The following RARB variants were observed in gnomAD, a reference collection of about 807,000 sequenced individuals.
RARB encodes the protein HBV-activated protein.
In RARB, 17 loss-of-function variants were observed where a neutral mutation model predicts 51.9. That is an observed-to-expected ratio of 0.33 (90% CI 0.22 to 0.49). The LOEUF is 0.49. Ranked by LOEUF, RARB falls within the 20% of genes least tolerant of loss-of-function variation. The pLI is 0.99. For synonymous variants in RARB, 215 were observed against 195.4 expected (o/e 1.10, Z -0.84); for missense variants, 369 against 550.8 (o/e 0.67, Z 3.30).
intron 1 of RARB, among the ~76,000 whole-genome samples, chr3:24,835,144 A>T (rs1194807453): frequency 6.6e-6 from 1 of 152,186 alleles, no homozygotes; most frequent in African/African-American, 2.4e-5. Context: ...AATCTACAGC[A>T]TTGCTTTTGC....
chr3:25,173,232 G>A (rs1700676472), intron 4 of RARB, among the ~76,000 whole-genome samples: 1 of 152,220 alleles, frequency 6.6e-6, no homozygotes, highest in Non-Finnish European at 1.5e-5. Flanking sequence ...TGTCCTTCAT[G>A]AAGCATGGGG....
At chr3:25,405,350 C>G (rs1707377758) in intron 5 of RARB, among the ~76,000 whole-genome samples, 1 of 152,150 alleles carries the variant, frequency 6.6e-6, no homozygotes, top group African/African-American at 2.4e-5. Flanking sequence ...GAGACCCTGT[C>G]TCTATTTAAC....
intron 2 of RARB, among the ~76,000 whole-genome samples, chr3:25,000,444 C>T (rs1477176657): frequency 4.6e-5 from 7 of 152,136 alleles, no homozygotes; most frequent in African/African-American, 1.7e-4. Context: ...GAGAGAAATC[C>T]TCTTTTTTGC....
chr3:25,374,991 A>C (rs1030941731), intron 5 of RARB, among the ~76,000 whole-genome samples: 1 of 152,122 alleles, frequency 6.6e-6, no homozygotes, highest in South Asian at 2.1e-4. Context: ...TATTTAGTGC[A>C]AGATGCACTG....
At chr3:25,020,151 A>ATTATTATTATT (rs1487230029) in intron 2 of RARB, 21 of 17,466 alleles carry the variant, frequency 1.2e-3, no homozygotes, top group Admixed American at 3.6e-3. Context: ...TATTATTATT[A>ATTATTATTATT]TTATTTTATT....
intron 1 of RARB, among the ~76,000 whole-genome samples, chr3:24,848,313 G>T (rs942487703): frequency 5.9e-5 from 9 of 152,070 alleles, no homozygotes; most frequent in Non-Finnish European, 1.3e-4. Flanking sequence ...TGCATGCCTC[G>T]GCTTCCCAAA....
At chr3:24,874,549 T>A (rs896652322) in intron 2 of RARB, among the ~76,000 whole-genome samples, 1 of 152,092 alleles carries the variant, frequency 6.6e-6, no homozygotes, top group Non-Finnish European at 1.5e-5. Flanking sequence ...AACATGTTGC[T>A]GTGATTCTCT....
intron 5 of RARB, among the ~76,000 whole-genome samples, chr3:25,296,016 C>T (rs11922629): frequency 0.05 from 7,645 of 152,226 alleles, 504 homozygotes; most frequent in African/African-American, 0.15. Flanking sequence ...AGTAAATTTT[C>T]ATGGTTTTCT....
At chr3:25,161,899 C>T (rs111520985) in intron 4 of RARB, among the ~76,000 whole-genome samples, 1 of 152,244 alleles carries the variant, frequency 6.6e-6, no homozygotes, top group Middle Eastern at 3.4e-3. Context: ...TGAGAGCCTT[C>T]CAGGGAAAGA....
chr3:25,167,833 C>T (rs186784806), intron 4 of RARB, among the ~76,000 whole-genome samples: 1 of 152,294 alleles, frequency 6.6e-6, no homozygotes, highest in Non-Finnish European at 1.5e-5. Flanking sequence ...CTTATTCCTC[C>T]ATTCGAATAC....
chr3:25,561,916 T>C (rs1378689238), intron 3 of RARB, among the ~76,000 whole-genome samples: 1 of 152,210 alleles, frequency 6.6e-6, no homozygotes, highest in African/African-American at 2.4e-5. Context: ...TTTTTTGCCC[T>C]CCTGCCCTTC....
At chr3:24,836,407 GA>G (rs1265082291) in intron 1 of RARB, among the ~76,000 whole-genome samples, 2 of 152,280 alleles carry the variant, frequency 1.3e-5, no homozygotes, top group Admixed American at 1.3e-4. Context: ...TGAATTACAT[GA>G]AAACACTGGC....
intron 5 of RARB, among the ~76,000 whole-genome samples, chr3:25,220,066 C>T (rs925546364): frequency 1.3e-5 from 2 of 152,184 alleles, no homozygotes; most frequent in Non-Finnish European, 2.9e-5. Context: ...TATCACCTTA[C>T]ATAAAATAAC....
intron 2 of RARB, among the ~76,000 whole-genome samples, chr3:25,497,090 G>T (rs1176802182): frequency 6.6e-6 from 1 of 152,194 alleles, no homozygotes; most frequent in Non-Finnish European, 1.5e-5. Flanking sequence ...CTCCACGTTG[G>T]TCAGGCTGGT....
At chr3:25,074,472 C>G (rs1379578877) in intron 3 of RARB, among the ~76,000 whole-genome samples, 1 of 152,162 alleles carries the variant, frequency 6.6e-6, no homozygotes, top group Non-Finnish European at 1.5e-5. Flanking sequence ...TACTTGTTCT[C>G]CCTCAGTGTC....
intron 2 of RARB, among the ~76,000 whole-genome samples, 178 bp from the exon 3 acceptor site, chr3:25,501,004 A>C (rs969335024): frequency 1.3e-5 from 2 of 152,210 alleles, no homozygotes; most frequent in African/African-American, 4.8e-5. Context: ...TGGGTTTGCA[A>C]CAAAGGAAGA....
At chr3:25,403,542 G>A (rs958509855) in intron 5 of RARB, among the ~76,000 whole-genome samples, 5 of 152,124 alleles carry the variant, frequency 3.3e-5, no homozygotes, top group African/African-American at 4.8e-5. Flanking sequence ...CCTCAACTTT[G>A]CCTTTAAACC....
chr3:25,172,049 T>G (rs558180732), intron 4 of RARB, among the ~76,000 whole-genome samples: 21 of 152,270 alleles, frequency 1.4e-4, no homozygotes, highest in African/African-American at 5.1e-4. Context: ...TTAGAATTAG[T>G]GTGTTGTATA....
At chr3:24,942,361 G>A (rs1412206103) in intron 2 of RARB, among the ~76,000 whole-genome samples, 4 of 152,116 alleles carry the variant, frequency 2.6e-5, no homozygotes, top group Non-Finnish European at 4.4e-5. Flanking sequence ...ATTTGAAATG[G>A]GCCTTAGGGT....
Sources: gnomAD v4.1 joint callset for allele counts (sites outside exome capture counted in the v4.1 genomes callset) on GRCh38, gnomAD v4.1.1 for gene constraint, MANE v1.5 for transcripts, NCBI Gene and HGNC (gene_info 2026-07-23, HGNC 2026-07-21) for gene names.